The following CNTN4 variants were observed in gnomAD, a reference collection of about 807,000 sequenced individuals.
CNTN4 encodes the protein contactin-4.
CNTN4 carries 77 observed loss-of-function variants against 122.5 expected under a neutral mutation model. The observed-to-expected ratio is 0.63, with a 90% CI of 0.52 to 0.76. CNTN4 has a LOEUF of 0.76. Ranked by LOEUF, CNTN4 falls within the 30% of genes least tolerant of loss-of-function variation. The probability of loss-of-function intolerance (pLI) is 0.00; values close to 1 mark genes in which losing one functional copy is unlikely to be tolerated. For synonymous variants in CNTN4, 512 were observed against 447.0 expected, an observed-to-expected ratio of 1.15 and a Z score of -1.83; for missense variants, 1,256 against 1,259.1, an observed-to-expected ratio of 1.00 and a Z score of 0.04.
chr3:2,170,180 G>T (rs1435217484), intron 2 of CNTN4, among the ~76,000 whole-genome samples: 1 of 138,322 alleles, frequency 7.2e-6, no homozygotes, highest in East Asian at 2.0e-4. Context: ...AATTAGCCGG[G>T]CGTGGTGGCG....
At chr3:2,532,773 T>C (rs2077646327) in intron 3 of CNTN4, among the ~76,000 whole-genome samples, 1 of 152,194 alleles carries the variant, frequency 6.6e-6, no homozygotes, top group Non-Finnish European at 1.5e-5. Context: ...TTTCGTGTCA[T>C]ACAGTAATAA....
intron 8 of CNTN4, among the ~76,000 whole-genome samples, chr3:2,876,234 G>A (rs1225499031): frequency 6.6e-6 from 1 of 152,170 alleles, no homozygotes; most frequent in Non-Finnish European, 1.5e-5. Context: ...TTCACCTACT[G>A]GATGGTGGTG....
intron 3 of CNTN4, among the ~76,000 whole-genome samples, chr3:2,349,003 G>C (rs904692985): frequency 1.3e-5 from 2 of 152,058 alleles, no homozygotes; most frequent in Non-Finnish European, 2.9e-5. Context: ...TGAGCTTTTA[G>C]GAAAGATACA....
intron 3 of CNTN4, among the ~76,000 whole-genome samples, chr3:2,479,373 C>A (rs2075920731): frequency 6.6e-6 from 1 of 152,280 alleles, no homozygotes; most frequent in South Asian, 2.1e-4. Context: ...AGGCATAAGT[C>A]TAAGCCCTGG....
At chr3:3,022,586 GATT>G (rs1453050795) in intron 14 of CNTN4, among the ~76,000 whole-genome samples, 2 of 152,112 alleles carry the variant, frequency 1.3e-5, no homozygotes, top group Non-Finnish European at 2.9e-5. Context: ...TTGTGGATCT[GATT>G]ATTAATTGAG....
At chr3:3,009,579 G>A (rs910796550) in intron 14 of CNTN4, among the ~76,000 whole-genome samples, 18 of 95,538 alleles carry the variant, frequency 1.9e-4, no homozygotes, top group South Asian at 1.8e-3. Flanking sequence ...GACTACAGGC[G>A]CCCGCCACCA....
At chr3:2,620,427 C>A (rs2081948974) in intron 4 of CNTN4, among the ~76,000 whole-genome samples, 1 of 152,086 alleles carries the variant, frequency 6.6e-6, no homozygotes, top group African/African-American at 2.4e-5. Context: ...CTGAGCCCAG[C>A]AGGTTGAGGC....
At chr3:2,744,150 G>A (rs1384156682) in intron 5 of CNTN4, among the ~76,000 whole-genome samples, 1 of 152,212 alleles carries the variant, frequency 6.6e-6, no homozygotes, top group African/African-American at 2.4e-5. Context: ...TACTAAGGAA[G>A]ACTTCATTGA....
At chr3:2,448,258 G>C (rs1268254979) in intron 3 of CNTN4, among the ~76,000 whole-genome samples, 1 of 152,182 alleles carries the variant, frequency 6.6e-6, no homozygotes, top group Non-Finnish European at 1.5e-5. Context: ...GTAGTGTCCA[G>C]TTGGAAGCAT....
At chr3:2,228,914 G>A (rs1575126480) in intron 2 of CNTN4, among the ~76,000 whole-genome samples, 3 of 152,228 alleles carry the variant, frequency 2.0e-5, no homozygotes, top group Admixed American at 2.0e-4. Context: ...TGCAAACTAA[G>A]AGAAAATCAG....
intron 7 of CNTN4, among the ~76,000 whole-genome samples, chr3:2,862,601 G>A (rs1437521152): frequency 1.3e-5 from 2 of 152,118 alleles, no homozygotes; most frequent in African/African-American, 2.4e-5. Context: ...TTGCCAATGG[G>A]ACAGAAACTG....
In CNTN4 at chr3:2,281,004, C is replaced by T. The variant is rs181295891; in HGVS notation, c.-144-58174C>T. 5.6e-4 allele frequency among the ~76,000 whole-genome samples: 86 copies of T among 152,246 alleles called. 1 individual carries two copies. Among genetic ancestry groups the T allele is most frequent in the Non-Finnish European group, 1.2e-3 (80 of 68,020 alleles). ...AGATTTGGATGGTATTTTTCACACT[C>T]TTGACAGTTTATGACACGCTGATGG... On this transcript the variant is annotated intron_variant, in intron 2 of 24. Transcript: ENST00000418658.
At chr3:3,027,120 C>T (rs942669034) in intron 15 of CNTN4, among the ~76,000 whole-genome samples, 3 of 152,180 alleles carry the variant, frequency 2.0e-5, no homozygotes, top group African/African-American at 7.2e-5. Context: ...GGCCTAAAGT[C>T]ATCCATGTGA....
At chr3:2,552,098 G>C (rs1199858460) in intron 3 of CNTN4, among the ~76,000 whole-genome samples, 1 of 152,062 alleles carries the variant, frequency 6.6e-6, no homozygotes, top group Non-Finnish European at 1.5e-5. Flanking sequence ...CATACTTAAG[G>C]TAAACTAAAT....
At chr3:2,401,790 T>G (rs1384901752) in intron 3 of CNTN4, among the ~76,000 whole-genome samples, 2 of 152,162 alleles carry the variant, frequency 1.3e-5, no homozygotes, top group African/African-American at 4.8e-5. Context: ...AGGTTAAAAC[T>G]TTCACCACAC....
chr3:2,598,767 G>A (rs2080890100), intron 4 of CNTN4, among the ~76,000 whole-genome samples: 1 of 151,810 alleles, frequency 6.6e-6, no homozygotes, highest in Non-Finnish European at 1.5e-5. Context: ...GTTTATTTGT[G>A]CATGTAGAGC....
At chr3:2,443,997 A>C (rs2048527692) in intron 3 of CNTN4, among the ~76,000 whole-genome samples, 1 of 151,904 alleles carries the variant, frequency 6.6e-6, no homozygotes, top group Non-Finnish European at 1.5e-5. Context: ...ACCCTTTTTA[A>C]CCTCTTCCTG....
intron 2 of CNTN4, among the ~76,000 whole-genome samples, chr3:2,127,633 C>G (rs2034241936): frequency 6.8e-6 from 1 of 146,940 alleles, no homozygotes; most frequent in African/African-American, 2.5e-5. Context: ...CAAGAATGCC[C>G]CACAACCCCA....
intron 2 of CNTN4, among the ~76,000 whole-genome samples, chr3:2,230,402 G>C (rs757005416): frequency 1.3e-5 from 2 of 152,180 alleles, no homozygotes; most frequent in African/African-American, 4.8e-5. Context: ...AGAAGGTTTA[G>C]GTGATTTGTC....
Sources: gnomAD v4.1 joint callset for allele counts (sites outside exome capture counted in the v4.1 genomes callset) on GRCh38, gnomAD v4.1.1 for gene constraint, MANE v1.5 for transcripts, NCBI Gene and HGNC (gene_info 2026-07-23, HGNC 2026-07-21) for gene names.